The following ACVR1 variants were observed in gnomAD, a reference collection of about 807,000 sequenced individuals.
The protein encoded by ACVR1 is activin receptor type-1.
In ACVR1, 38 loss-of-function variants were observed where a neutral mutation model predicts 57.1. The ratio of observed to expected loss-of-function variants is 0.67; its 90% CI spans 0.51 to 0.87. The LOEUF (loss-of-function observed/expected upper bound fraction) is 0.87. Among genes scored for constraint, ACVR1 ranks in the 40% least tolerant of loss-of-function variants. ACVR1 has a pLI of 0.00. For synonymous variants in ACVR1, 212 were observed against 228.1 expected (o/e 0.93, Z 0.63); for missense variants, 463 against 638.2 (o/e 0.73, Z 2.96).
intron 3 of ACVR1, among the ~76,000 whole-genome samples, chr2:157,786,448 A>G (rs1052319384): frequency 1.3e-5 from 2 of 152,146 alleles, no homozygotes; most frequent in Non-Finnish European, 2.9e-5. Flanking sequence ...TGAGCCCATA[A>G]AGTCTTTAAA....
rs775776209 is a variant in ACVR1, at chr2:157,778,243, A to G, written c.431T>C (p.Val144Ala). 1.9e-6 allele frequency: 3 copies of G among 1,613,798 alleles called. No homozygotes were observed. The Admixed American group carries it at 5.0e-5, about 27-fold the overall frequency. ...AVCLLACLLG[V>A]ALRKFKRRNQ... ...GCGCCTTTTAAATTTTCGGAGAGCA[A>G]CTCCCAGCAGGCAGGCTAAAAGACA... Residue 144 changes from valine (V) to alanine (A), a missense_variant, in exon 5 of 11, where the codon GTT (valine) becomes GCT (alanine). This residue lies in a region of ACVR1 where 203 missense variants were observed against 235.5 expected (regional missense o/e 0.86). Transcript: ENST00000434821.
chr2:157,787,660 G>A (rs1377083877), intron 3 of ACVR1, among the ~76,000 whole-genome samples: 1 of 152,200 alleles, frequency 6.6e-6, no homozygotes, highest in Non-Finnish European at 1.5e-5. Flanking sequence ...CGCGCCACAG[G>A]AAGAATGGTT....
chr2:157,774,052 C>T (rs765803155), intron 6 of ACVR1, 36 bp downstream of exon 6: 7 of 1,558,116 alleles, frequency 4.5e-6, no homozygotes, highest in Non-Finnish European at 6.2e-6. Flanking sequence ...ACTAACATTG[C>T]ATATTACCCA....
At chr2:157,821,242 T>C (rs918969570) in intron 1 of ACVR1, among the ~76,000 whole-genome samples, 1 of 152,184 alleles carries the variant, frequency 6.6e-6, no homozygotes, top group African/African-American at 2.4e-5. Context: ...ATCAGTGCTA[T>C]TGTTCAGGGG....
intron 2 of ACVR1, among the ~76,000 whole-genome samples, chr2:157,817,428 C>G (rs1319224079): frequency 6.6e-6 from 1 of 152,166 alleles, no homozygotes; most frequent in Non-Finnish European, 1.5e-5. Context: ...GGCACTGAAA[C>G]TACTCTCTAT....
rs986509401 is a variant in ACVR1, at chr2:157,757,937, C to T, written c.1264+2943G>A. Reference sequence around the variant, plus strand: ...AGAAATGAAGGATATTCAAAACAACCAGAACACAATTAATAAAAAGGCAGA... The same window carrying T: ...AGAAATGAAGGATATTCAAAACAACTAGAACACAATTAATAAAAAGGCAGA... On this transcript the variant is annotated intron_variant, in intron 9 of 10. Transcript: ENST00000434821. Among the ~76,000 whole-genome samples the T allele has an allele frequency of 6.6e-5, 10 of 151,562 alleles. No homozygotes were observed. In the East Asian group the frequency reaches 1.7e-3, roughly 26 times the overall value.
intron 3 of ACVR1, among the ~76,000 whole-genome samples, chr2:157,784,426 G>T (rs1299133621): frequency 6.6e-6 from 1 of 152,264 alleles, no homozygotes; most frequent in Non-Finnish European, 1.5e-5. Context: ...TGCCCTGGCA[G>T]AAGGCAGAAA....
At chr2:157,760,558 T>C (rs1024061784) in intron 9 of ACVR1, among the ~76,000 whole-genome samples, 1 of 152,176 alleles carries the variant, frequency 6.6e-6, no homozygotes, top group East Asian at 1.9e-4. Context: ...AAATATCACA[T>C]GTACCCCATA....
chr2:157,800,419 G>A (rs1378944638), intron 2 of ACVR1, among the ~76,000 whole-genome samples: 2 of 152,044 alleles, frequency 1.3e-5, no homozygotes, highest in Non-Finnish European at 2.9e-5. Flanking sequence ...CTTGAGCCCA[G>A]GAGTTTGAGA....
intron 2 of ACVR1, among the ~76,000 whole-genome samples, chr2:157,805,827 T>C (rs1031069163): frequency 4.3e-5 from 6 of 140,714 alleles, no homozygotes; most frequent in African/African-American, 1.0e-4. Context: ...TTTCTTTTTT[T>C]TTTTTTTTTT....
chr2:157,751,108 A>C (rs1685175894), intron 9 of ACVR1, among the ~76,000 whole-genome samples: 1 of 152,356 alleles, frequency 6.6e-6, no homozygotes, highest in East Asian at 1.9e-4. Context: ...CCTGGGAGAC[A>C]GTCCAAATAC....
At chr2:157,824,216 C>A (rs1688256512) in intron 1 of ACVR1, among the ~76,000 whole-genome samples, 2 of 152,098 alleles carry the variant, frequency 1.3e-5, no homozygotes, top group African/African-American at 4.8e-5. Context: ...GCCTGTAATC[C>A]CTGCACACTG....
intron 3 of ACVR1, among the ~76,000 whole-genome samples, chr2:157,791,528 G>A (rs890745009): frequency 1.3e-5 from 2 of 152,132 alleles, no homozygotes; most frequent in Admixed American, 6.5e-5. Context: ...GGCCTCTCAC[G>A]CTCTAGGGCT....
intron 1 of ACVR1, among the ~76,000 whole-genome samples, chr2:157,852,084 G>T (rs952958158): frequency 6.6e-6 from 1 of 151,902 alleles, no homozygotes; most frequent in African/African-American, 2.4e-5. Flanking sequence ...GCTTATGAGA[G>T]GTATAGGCAT....
chr2:157,779,873 T>A (rs1387276415), intron 4 of ACVR1, among the ~76,000 whole-genome samples: 1 of 152,108 alleles, frequency 6.6e-6, no homozygotes, highest in East Asian at 1.9e-4. Context: ...GGAGAAGAGG[T>A]CAGTGAGCCT....
intron 9 of ACVR1, among the ~76,000 whole-genome samples, chr2:157,740,941 C>T (rs1187924072): frequency 6.6e-6 from 1 of 152,196 alleles, no homozygotes; most frequent in Non-Finnish European, 1.5e-5. Context: ...TGACGCTGGC[C>T]ATGCTTCTCC....
At chr2:157,759,217 G>A (rs1685550769) in intron 9 of ACVR1, among the ~76,000 whole-genome samples, 2 of 151,866 alleles carry the variant, frequency 1.3e-5, no homozygotes, top group African/African-American at 2.4e-5. Flanking sequence ...TGTTGGAAAG[G>A]TAAAGAAAAC....
At chr2:157,828,382 G>A (rs947459730) in intron 1 of ACVR1, among the ~76,000 whole-genome samples, 6 of 148,134 alleles carry the variant, frequency 4.1e-5, no homozygotes, top group African/African-American at 1.2e-4. Flanking sequence ...CTTGGGAGGC[G>A]GAGCTTGCAG....
Position 157,736,713 on chromosome 2 carries a change from T to A in ACVR1, c.*818A>T, listed in dbSNP as rs1003501531. Reference sequence around the variant, plus strand: ...GAAAAAAAGTTACAGTCTACACACATACAAATGTGAAGCACTTAAAATGTG... The same window carrying A: ...GAAAAAAAGTTACAGTCTACACACAAACAAATGTGAAGCACTTAAAATGTG... On this transcript the variant is annotated 3_prime_UTR_variant, in exon 11 of 11. Transcript: ENST00000434821. 2.9e-6 allele frequency: 1 copy of A among 339,944 alleles called. No individual in the cohort carries two copies. The highest frequency in any genetic ancestry group is 5.4e-6 in the Non-Finnish European group (1 of 184,912). 21.1% of individuals were successfully genotyped at this position (339,944 alleles called of 1,614,324 possible). A position where few individuals can be genotyped will look rare whatever the true frequency, so the allele number is the denominator to read the frequency against.
Sources: gnomAD v4.1 joint callset for allele counts (sites outside exome capture counted in the v4.1 genomes callset) on GRCh38, gnomAD v4.1.1 for gene constraint, gnomAD v4.1.1 regional missense constraint, MANE v1.5 for transcripts, NCBI Gene and HGNC (gene_info 2026-07-23, HGNC 2026-07-21) for gene names.